GRID2: variants seen among roughly 807,000 people sequenced by gnomAD.
GRID2 encodes the protein glutamate receptor ionotropic, delta-2.
In GRID2, 33 loss-of-function variants were observed where a neutral mutation model predicts 114.8. The observed-to-expected ratio is 0.29, with a 90% CI of 0.22 to 0.38. GRID2 has a LOEUF of 0.38. GRID2 is among the 10% of genes least tolerant of loss of function. The pLI is 1.00. For missense variants in GRID2, 1,184 were observed against 1,257.7 expected (o/e 0.94, Z 0.89); for synonymous variants, 505 against 449.9 (o/e 1.12, Z -1.55).
At chr4:93,066,156 T>A (rs1005686058) in intron 2 of GRID2, among the ~76,000 whole-genome samples, 5 of 151,702 alleles carry the variant, frequency 3.3e-5, no homozygotes, top group African/African-American at 1.2e-4. Flanking sequence ...CACACCGGAG[T>A]TTAGATTATA....
At chr4:93,097,357 A>C (rs1731313388) in intron 3 of GRID2, among the ~76,000 whole-genome samples, 1 of 152,030 alleles carries the variant, frequency 6.6e-6, no homozygotes, top group African/African-American at 2.4e-5. Flanking sequence ...AAAGGAAAAA[A>C]AAACAATTTA....
intron 2 of GRID2, among the ~76,000 whole-genome samples, chr4:92,738,996 C>G (rs1388771906): frequency 6.6e-6 from 1 of 152,046 alleles, no homozygotes; most frequent in Non-Finnish European, 1.5e-5. Flanking sequence ...CAACATCATC[C>G]ATTGCTGAAC....
chr4:93,140,193 C>T (rs1422784641), intron 4 of GRID2, among the ~76,000 whole-genome samples: 4 of 142,770 alleles, frequency 2.8e-5, no homozygotes, highest in Non-Finnish European at 4.5e-5. Context: ...GAGTCTCACT[C>T]TGTCACCCAG....
chr4:92,720,513 T>C (rs1407677217), intron 2 of GRID2, among the ~76,000 whole-genome samples: 1 of 151,908 alleles, frequency 6.6e-6, no homozygotes, highest in Non-Finnish European at 1.5e-5. Flanking sequence ...TAAAAAAAGC[T>C]CTTTGCGAGA....
chr4:93,050,123 T>C (rs1286074332), intron 2 of GRID2, among the ~76,000 whole-genome samples: 1 of 152,028 alleles, frequency 6.6e-6, no homozygotes, highest in African/African-American at 2.4e-5. Flanking sequence ...AAAGAGACCA[T>C]TACTGGAAAA....
At chr4:92,471,057 C>T (rs1302130516) in intron 1 of GRID2, among the ~76,000 whole-genome samples, 2 of 151,902 alleles carry the variant, frequency 1.3e-5, no homozygotes, top group Non-Finnish European at 2.9e-5. Flanking sequence ...ATGGTGAGGT[C>T]AAGCCAATTC....
chr4:93,443,704 C>A (rs1721828334), intron 10 of GRID2, among the ~76,000 whole-genome samples: 1 of 151,736 alleles, frequency 6.6e-6, no homozygotes, highest in African/African-American at 2.4e-5. Context: ...TATTAGAATC[C>A]AAGCTACCAA....
intron 1 of GRID2, among the ~76,000 whole-genome samples, chr4:92,481,237 A>T (rs1722573001): frequency 6.6e-6 from 1 of 152,154 alleles, no homozygotes; most frequent in Non-Finnish European, 1.5e-5. Context: ...ATAGGCTTCT[A>T]ATTTTTTCTG....
chr4:93,521,995 G>T (rs1730383905), intron 13 of GRID2, among the ~76,000 whole-genome samples: 1 of 152,176 alleles, frequency 6.6e-6, no homozygotes, highest in Non-Finnish European at 1.5e-5. Context: ...TACAGTATCT[G>T]TATATTGATG....
At chr4:93,597,473 T>C (rs1739221290) in intron 13 of GRID2, among the ~76,000 whole-genome samples, 2 of 152,182 alleles carry the variant, frequency 1.3e-5, no homozygotes, top group Admixed American at 6.5e-5. Context: ...GTCAGTATAC[T>C]TTTTAGTTTA....
At chr4:93,744,185 A>G (rs1731647775) in intron 14 of GRID2, among the ~76,000 whole-genome samples, 1 of 152,202 alleles carries the variant, frequency 6.6e-6, no homozygotes, top group South Asian at 2.1e-4. Flanking sequence ...ATAGTAATGA[A>G]CAAGGAGATA....
intron 2 of GRID2, among the ~76,000 whole-genome samples, chr4:92,888,650 A>G (rs953271577): frequency 6.6e-6 from 1 of 152,130 alleles, no homozygotes; most frequent in Non-Finnish European, 1.5e-5. Flanking sequence ...GTAGAAAAAT[A>G]GAATGCATAT....
chr4:92,715,411 T>A (rs1735491125), intron 2 of GRID2, among the ~76,000 whole-genome samples: 1 of 152,168 alleles, frequency 6.6e-6, no homozygotes, highest in Non-Finnish European at 1.5e-5. Flanking sequence ...AACTTCTGCC[T>A]GTCACCCAGT....
At chr4:92,549,963 A>G (rs1457433765) in intron 1 of GRID2, among the ~76,000 whole-genome samples, 1 of 152,172 alleles carries the variant, frequency 6.6e-6, no homozygotes, top group Non-Finnish European at 1.5e-5. Flanking sequence ...AACCCACATA[A>G]CATTAAAAAG....
intron 2 of GRID2, among the ~76,000 whole-genome samples, chr4:92,701,655 G>A (rs1734681615): frequency 6.6e-6 from 1 of 151,816 alleles, no homozygotes; most frequent in Non-Finnish European, 1.5e-5. Flanking sequence ...AAATATATTA[G>A]GAAATACCAT....
chr4:93,562,515 C>A (rs1735025522), intron 13 of GRID2, among the ~76,000 whole-genome samples: 1 of 151,906 alleles, frequency 6.6e-6, no homozygotes, highest in Non-Finnish European at 1.5e-5. Context: ...TTGAAAGTGT[C>A]TTTTATAGAG....
intron 8 of GRID2, among the ~76,000 whole-genome samples, chr4:93,393,977 T>C (rs549041560): frequency 6.6e-6 from 1 of 151,978 alleles, no homozygotes. Context: ...GGTTGTAATA[T>C]GTGGAGAAAG....
intron 2 of GRID2, among the ~76,000 whole-genome samples, chr4:92,606,329 G>A (rs144123085): frequency 2.0e-4 from 30 of 151,410 alleles, no homozygotes; most frequent in African/African-American, 5.8e-4. Context: ...ATTCTTATTA[G>A]CGTTTTACAG....
chr4:93,280,721 A>G lies in GRID2; in HGVS notation c.1245+42231A>G, dbSNP rs528537685. Among the ~76,000 whole-genome samples, 14 of 152,122 alleles carry G rather than the reference A, an allele frequency of 9.2e-5. No individual in the cohort carries two copies. The South Asian group carries it at 2.5e-3, about 27-fold the overall frequency. ...TGGGAAACAGATTATGTAACAGTCA[A>G]CCACTTTTAGTGATCTCTTAAGAAT... On this transcript the variant is annotated intron_variant, in intron 8 of 15. Transcript: ENST00000282020.
Sources: allele counts gnomAD v4.1 joint callset (sites outside exome capture counted in the v4.1 genomes callset), GRCh38; gene constraint gnomAD v4.1.1; transcripts MANE v1.5; gene names NCBI Gene and HGNC (gene_info 2026-07-23, HGNC 2026-07-21).